KCNQ4: variants seen among roughly 807,000 people sequenced by gnomAD.
KCNQ4 encodes the protein potassium voltage-gated channel subfamily Q member 4.
In KCNQ4, 31 loss-of-function variants were observed where a neutral mutation model predicts 72.6. That is an observed-to-expected ratio of 0.43 (90% CI 0.32 to 0.58). The LOEUF (loss-of-function observed/expected upper bound fraction) is 0.58, where lower values mean the gene tolerates loss of function less well. KCNQ4 is among the 20% of genes least tolerant of loss of function. The pLI, the probability that KCNQ4 is intolerant of heterozygous loss-of-function variation, is 0.08. For synonymous variants in KCNQ4, 405 were observed against 403.7 expected (o/e 1.00, Z -0.04); for missense variants, 869 against 962.6 (o/e 0.90, Z 1.29).
At chr1:40,809,305 G>A (rs1647856036) in intron 1 of KCNQ4, among the ~76,000 whole-genome samples, 1 of 152,128 alleles carries the variant, frequency 6.6e-6, no homozygotes, top group Non-Finnish European at 1.5e-5. Flanking sequence ...AGCTGCTCCT[G>A]TGACCTCAGT....
chr1:40,805,805 A>G (rs1185962988), intron 1 of KCNQ4, among the ~76,000 whole-genome samples: 1 of 151,896 alleles, frequency 6.6e-6, no homozygotes, highest in Non-Finnish European at 1.5e-5. Context: ...TGGATTTCAC[A>G]CTTTTTAAAA....
intron 9 of KCNQ4, chr1:40,826,630 A>T: frequency 2.2e-6 from 1 of 455,362 alleles, no homozygotes; most frequent in South Asian, 1.5e-5. Context: ...TTATTCTCAA[A>T]CTTCCAGCCA....
chr1:40,801,900 A>T (rs928794035), intron 1 of KCNQ4, among the ~76,000 whole-genome samples: 40 of 151,760 alleles, frequency 2.6e-4, no homozygotes, highest in African/African-American at 9.7e-4. Flanking sequence ...CCCGACTTTG[A>T]TTTCTTTATC....
chr1:40,797,156 G>A (rs940704908), intron 1 of KCNQ4, among the ~76,000 whole-genome samples: 3 of 152,238 alleles, frequency 2.0e-5, no homozygotes, highest in Non-Finnish European at 4.4e-5. Context: ...GGGCTGGGAA[G>A]CTGGCAGTTA....
rs1647227522 is a variant in KCNQ4 at position 40,788,566 on chromosome 1, GGGACTCAGCAGA to G, written c.314+4162_314+4173del. ...TCCTCATTTGACAGATGGGGAAACT[GGGACTCAGCAGA>G]GGCCACCCAGTTAATGTGGAAGAGC... is the stretch of plus-strand genomic sequence containing the variant. On this transcript the variant is annotated intron_variant, in intron 1 of 13. Coordinates refer to ENST00000347132, the MANE Select transcript of KCNQ4 (RefSeq NM_004700.4). The surrounding 1 kb of genome is among the most constrained non-coding windows in gnomAD (Gnocchi z 4.5). Among the ~76,000 whole-genome samples, 1 of 152,178 alleles carries G rather than the reference GGGACTCAGCAGA, an allele frequency of 6.6e-6. No individual in the cohort carries two copies. The highest frequency in any genetic ancestry group is 1.5e-5 in the Non-Finnish European group (1 of 68,034).
At chr1:40,810,227 G>A (rs536849918) in intron 1 of KCNQ4, among the ~76,000 whole-genome samples, 5 of 152,054 alleles carry the variant, frequency 3.3e-5, no homozygotes, top group Non-Finnish European at 5.9e-5. Flanking sequence ...GGGCTGCCTC[G>A]ACGGCCACAT....
intron 1 of KCNQ4, among the ~76,000 whole-genome samples, chr1:40,792,994 T>C (rs868704879): frequency 1.2e-4 from 15 of 128,834 alleles, no homozygotes; most frequent in South Asian, 7.8e-4. Flanking sequence ...TTCTTTTCTT[T>C]TCTTTCTTTC....
rs1397776780 is a variant in KCNQ4, at chr1:40,794,242, T to C, written c.314+9835T>C. Among the ~76,000 whole-genome samples the C allele has an allele frequency of 2.0e-5, 3 of 152,160 alleles. No individual in the cohort carries two copies. The highest frequency in any genetic ancestry group is 7.2e-5 in the African/African-American group (3 of 41,436). ...AGACCTGCAGAGCACAGGGCCTTGA[T>C]TGACAGGCTGTGGAGGTGGGCCTTA... On this transcript the variant is annotated intron_variant, in intron 1 of 13. Coordinates refer to ENST00000347132, the MANE Select transcript of KCNQ4 (RefSeq NM_004700.4). This position sits in a 1 kb window ranked among gnomAD's most constrained non-coding sequence, Gnocchi z 4.2.
chr1:40,816,390 C>T (rs1648088045), intron 1 of KCNQ4, among the ~76,000 whole-genome samples: 1 of 152,158 alleles, frequency 6.6e-6, no homozygotes, highest in African/African-American at 2.4e-5. Context: ...CAGTTTCTCT[C>T]CTCATGCCCT....
At chr1:40,818,816 T>C in intron 4 of KCNQ4, 136 bp downstream of exon 4, 3 of 986,762 alleles carry the variant, frequency 3.0e-6, no homozygotes, top group Non-Finnish European at 4.6e-6. Flanking sequence ...GTTGGAGCCC[T>C]AGCAGGAGGC....
chr1:40,788,119 C>G lies in KCNQ4; in HGVS notation c.314+3712C>G, dbSNP rs999107586. ...AACCCCCGAGCCCCCGACCTCCCAC[C>G]CCGGCCATCTGAGAAAGAACATCGC... On this transcript the variant is annotated intron_variant, in intron 1 of 13. Coordinates refer to ENST00000347132, the MANE Select transcript of KCNQ4 (RefSeq NM_004700.4). The surrounding 1 kb of genome is among the most constrained non-coding windows in gnomAD (Gnocchi z 4.5). Among the ~76,000 whole-genome samples the G allele has an allele frequency of 6.6e-5, 10 of 152,174 alleles. No individual in the cohort carries two copies. Among genetic ancestry groups the G allele is most frequent in the African/African-American group, 2.4e-4 (10 of 41,434 alleles).
chr1:40,786,470 C>G (rs1205279661), intron 1 of KCNQ4, among the ~76,000 whole-genome samples: 1 of 152,178 alleles, frequency 6.6e-6, no homozygotes, highest in Non-Finnish European at 1.5e-5. Context: ...TCGCCAGGGC[C>G]GTGCTTGTCC....
At chr1:40,799,517 G>T (rs1362379086) in intron 1 of KCNQ4, among the ~76,000 whole-genome samples, 7 of 152,116 alleles carry the variant, frequency 4.6e-5, no homozygotes, top group Non-Finnish European at 1.0e-4. Flanking sequence ...TTTATACCAG[G>T]ACTCCCTCTC....
chr1:40,834,162 C>T (rs745624262), intron 11 of KCNQ4, among the ~76,000 whole-genome samples: 4 of 152,152 alleles, frequency 2.6e-5, no homozygotes, highest in Non-Finnish European at 5.9e-5. Flanking sequence ...CCACCTGACC[C>T]AAGCCAGCTC....
intron 12 of KCNQ4, among the ~76,000 whole-genome samples, chr1:40,837,445 A>G (rs906869437): frequency 2.0e-5 from 3 of 152,162 alleles, no homozygotes; most frequent in Non-Finnish European, 4.4e-5. Flanking sequence ...TTTACTTGTC[A>G]GGTTCGTGTG....
intron 1 of KCNQ4, among the ~76,000 whole-genome samples, chr1:40,795,709 C>T (rs565387370): frequency 6.6e-6 from 1 of 152,146 alleles, no homozygotes; most frequent in Non-Finnish European, 1.5e-5. Flanking sequence ...ATGACACAGG[C>T]CCTGTAAAAG....
chr1:40,836,781 G>T (rs1162534458), intron 12 of KCNQ4, among the ~76,000 whole-genome samples: 1 of 152,190 alleles, frequency 6.6e-6, no homozygotes, highest in East Asian at 1.9e-4. Context: ...CAAGTAAAAT[G>T]AGGACAGGAG....
At position 40,804,817 on chromosome 1, in the gene KCNQ4, C is replaced by CAA. The variant is rs34127672; in HGVS notation, c.315-12429_315-12428dup. On this transcript the variant is annotated intron_variant, in intron 1 of 13. Transcript: ENST00000347132. ...TGGGTAACAGAGTGAGACCCTGTCT[C>CAA]AAAAAAAAAAAAAAAAAAAAGTCAC... 8.8e-3 allele frequency: 785 copies of CAA among 88,864 alleles called. 6 individuals are homozygous for CAA. The highest frequency in any genetic ancestry group is 0.011 in the Non-Finnish European group (510 of 46,508). The allele number at this position is 88,864 out of a possible 1,614,324, so 5.5% of individuals were successfully genotyped here.
intron 1 of KCNQ4, among the ~76,000 whole-genome samples, chr1:40,798,152 A>AG (rs938246824): frequency 6.6e-6 from 1 of 152,084 alleles, no homozygotes; most frequent in African/African-American, 2.4e-5. Flanking sequence ...CATTCTTCTG[A>AG]GGGGGAAACA....
Sources: allele counts gnomAD v4.1 joint callset (sites outside exome capture counted in the v4.1 genomes callset), GRCh38; gene constraint gnomAD v4.1.1; non-coding constraint Gnocchi (gnomAD v3.1); transcripts MANE v1.5; gene names NCBI Gene and HGNC (gene_info 2026-07-23, HGNC 2026-07-21).